Variants in EDA2R observed in about 807,000 individuals in gnomAD.
EDA2R encodes tumor necrosis factor receptor superfamily member 27.
In EDA2R, 26 loss-of-function variants were observed where a neutral mutation model predicts 20.1. That is an observed-to-expected ratio of 1.30 (90% confidence interval 0.95 to 1.80). The LOEUF is 1.80. Ranked by LOEUF, EDA2R falls within the 40% of genes most tolerant of loss-of-function variation. The pLI is 0.00. For synonymous variants in EDA2R, 114 were observed against 88.7 expected, an observed-to-expected ratio of 1.29 and a Z score of -1.60; for missense variants, 277 against 228.7, an observed-to-expected ratio of 1.21 and a Z score of -1.36.
chrX:66,605,681 T>C (rs1367455138), intron 2 of EDA2R, among the ~76,000 whole-genome samples: 1 of 111,618 alleles, frequency 9.0e-6, no homozygotes, highest in African/African-American at 3.3e-5. Context: ...CTTAAAGTTT[T>C]CCCCAAGAAA....
In EDA2R at chrX:66,629,951, C is replaced by T. The variant is rs756218126; in HGVS notation, c.-11+9044G>A. ...CCTGATTTCAAACTATACTATAAGG[C>T]CATAGTCACCAAAACAGCATGGTAC... On this transcript the variant is annotated intron_variant, in intron 1 of 6. Coordinates refer to ENST00000374719, the MANE Select transcript of EDA2R (RefSeq NM_021783.5). Among the ~76,000 whole-genome samples, 3 of 111,659 alleles carry T rather than the reference C, an allele frequency of 2.7e-5. No individual in the cohort carries two copies. In the East Asian group the frequency reaches 8.5e-4, roughly 31 times the overall value.
Position 66,602,765 on chromosome X carries a change from T to A in EDA2R, c.385A>T (p.Thr129Ser). Residue 129 changes from threonine to serine, a missense_variant, in exon 5 of 7, where the codon ACA (threonine) becomes TCA (serine). Thr to Ser is a moderately conservative substitution (Grantham distance 58, BLOSUM62 1). Coordinates refer to ENST00000374719, the MANE Select transcript of EDA2R (RefSeq NM_021783.5). ...AFQLSLVEAD[T>S]PTVPPQEATL... ...GCCTCCTGAGGGGGCACTGTGGGTG[T>A]ATCTGCCTCCACTAAGCTCAACTGG... 1 of 1,198,837 alleles carries A rather than the reference T, an allele frequency of 8.3e-7. No individual in the cohort carries two copies. The highest frequency in any genetic ancestry group is 1.1e-6 in the Non-Finnish European group (1 of 889,064).
chrX:66,633,146 C>T (rs968042261), intron 1 of EDA2R, among the ~76,000 whole-genome samples: 1 of 112,343 alleles, frequency 8.9e-6, no homozygotes, highest in African/African-American at 3.2e-5. Context: ...AAAGTAAATG[C>T]TAACCATATG....
chrX:66,606,912 A>T (rs1240004871), intron 2 of EDA2R, among the ~76,000 whole-genome samples: 2 of 112,595 alleles, frequency 1.8e-5, no homozygotes, highest in Non-Finnish European at 3.7e-5. Flanking sequence ...GAGAATGCAG[A>T]TTGGAAAAGT....
At chrX:66,623,541 AT>A (rs1932824719) in intron 1 of EDA2R, among the ~76,000 whole-genome samples, 1 of 112,090 alleles carries the variant, frequency 8.9e-6, no homozygotes, top group Non-Finnish European at 1.9e-5. Flanking sequence ...AAGAGCTCAT[AT>A]TTTAAAAAAT....
Position 66,596,057 on chromosome X carries a change from T to C in EDA2R, c.*2047A>G, listed in dbSNP as rs980539470. The C allele has an allele frequency of 3.7e-5, 4 of 109,575 alleles. No individual in the cohort carries two copies. Among genetic ancestry groups the C allele is most frequent in the African/African-American group, 1.0e-4 (3 of 29,958 alleles). 9.0% of individuals were successfully genotyped at this position (109,575 alleles called of 1,213,427 possible). ...AAAAAAAAAATTCATTCTCAGGAAA[T>C]ACCTCCCCTTCCTTACAAACAAAAA... On this transcript the variant is annotated 3_prime_UTR_variant, in exon 7 of 7. Transcript: ENST00000374719.
At chrX:66,599,404 T>A in intron 6 of EDA2R, 70 bp downstream of exon 6, 1 of 1,034,421 alleles carries the variant, frequency 9.7e-7, no homozygotes, top group Non-Finnish European at 1.3e-6. Context: ...CAAAAGAGAA[T>A]TCCTTGAGGT....
intron 1 of EDA2R, among the ~76,000 whole-genome samples, chrX:66,631,075 C>T (rs1184334701): frequency 9.2e-6 from 1 of 108,591 alleles, no homozygotes; most frequent in Non-Finnish European, 1.9e-5. Flanking sequence ...TGATGAGATT[C>T]GAGACTATTA....
chrX:66,618,088 T>C (rs1448661447), intron 1 of EDA2R, among the ~76,000 whole-genome samples: 1 of 111,565 alleles, frequency 9.0e-6, no homozygotes, highest in Non-Finnish European at 1.9e-5. Flanking sequence ...GGTTTCATCA[T>C]ATTGGTCAGG....
chrX:66,605,250 A>T (rs777437349), intron 2 of EDA2R, 24 bp from the exon 3 acceptor site: 1 of 1,176,892 alleles, frequency 8.5e-7, no homozygotes, highest in Admixed American at 2.3e-5. Context: ...GGGGTTGTTA[A>T]TATTGCTTTA....
chrX:66,605,446 A>C, intron 2 of EDA2R, among the ~76,000 whole-genome samples: 1 of 112,624 alleles, frequency 8.9e-6, no homozygotes, highest in Non-Finnish European at 1.9e-5. Flanking sequence ...AAGTAAAGCT[A>C]AGTATTTGTA....
chrX:66,607,338 A>G (rs182541761), intron 2 of EDA2R, among the ~76,000 whole-genome samples: 6 of 112,538 alleles, frequency 5.3e-5, no homozygotes. Flanking sequence ...GAGCTAAATT[A>G]ACATAGGTTT....
At chrX:66,615,169 A>G (rs1488912204) in intron 2 of EDA2R, among the ~76,000 whole-genome samples, 1 of 112,124 alleles carries the variant, frequency 8.9e-6, no homozygotes, top group Non-Finnish European at 1.9e-5. Context: ...CATGAAGGCA[A>G]ATATTTTTGT....
chrX:66,619,482 C>T (rs984039486), intron 1 of EDA2R, among the ~76,000 whole-genome samples: 1 of 111,825 alleles, frequency 8.9e-6, no homozygotes, highest in Non-Finnish European at 1.9e-5. Flanking sequence ...ACATGATTTT[C>T]CACAGAACAG....
chrX:66,603,404 C>A (rs181947225), intron 4 of EDA2R, among the ~76,000 whole-genome samples: 2 of 111,468 alleles, frequency 1.8e-5, no homozygotes, highest in Non-Finnish European at 1.9e-5. Flanking sequence ...ATTTCCCTTA[C>A]ACCCTTGCAG....
Position 66,597,234 on chromosome X carries a change from G to A in EDA2R, c.*870C>T, listed in dbSNP as rs775305683. ...TGAGATGTATAGGTGGGAGCTAAAGGCAAAAAGACAATTGAGAAAGAATCA... is the reference window on the plus strand; with the variant it reads ...TGAGATGTATAGGTGGGAGCTAAAGACAAAAAGACAATTGAGAAAGAATCA... On this transcript the variant is annotated 3_prime_UTR_variant, in exon 7 of 7. Transcript: ENST00000374719. The A allele has an allele frequency of 3.6e-5, 4 of 112,076 alleles. No individual in the cohort carries two copies. The highest frequency in any genetic ancestry group is 7.5e-5 in the Non-Finnish European group (4 of 53,219). 9.2% of individuals were successfully genotyped at this position (112,076 alleles called of 1,213,427 possible).
intron 2 of EDA2R, among the ~76,000 whole-genome samples, chrX:66,614,123 G>T (rs758471143): frequency 9.0e-6 from 1 of 111,579 alleles, no homozygotes; most frequent in Admixed American, 9.5e-5. Flanking sequence ...CTGTTGGACA[G>T]CTTCTGGGAA....
chrX:66,633,965 A>AATCT (rs1314359315), intron 1 of EDA2R, among the ~76,000 whole-genome samples: 2 of 111,540 alleles, frequency 1.8e-5, no homozygotes, highest in African/African-American at 6.5e-5. Context: ...TTTACCAAGC[A>AATCT]ATCTGGAATA....
intron 2 of EDA2R, among the ~76,000 whole-genome samples, chrX:66,606,892 C>T (rs1208715690): frequency 1.8e-5 from 2 of 111,936 alleles, no homozygotes; most frequent in Non-Finnish European, 3.8e-5. Flanking sequence ...TATGTATGTT[C>T]CACTCGATTG....
Sources: allele counts gnomAD v4.1 joint callset (sites outside exome capture counted in the v4.1 genomes callset), GRCh38; gene constraint gnomAD v4.1.1; transcripts MANE v1.5; gene names NCBI Gene and HGNC (gene_info 2026-07-23, HGNC 2026-07-21).